The following ATP2C1 variants were observed in gnomAD, a reference collection of about 807,000 sequenced individuals.
ATP2C1 encodes ATPase secretory pathway Ca2+ transporting 1.
In ATP2C1, 31 loss-of-function variants were observed where a neutral mutation model predicts 120.5. The ratio of observed to expected loss-of-function variants is 0.26; its 90% CI spans 0.19 to 0.35. The LOEUF is 0.35. ATP2C1 is among the 10% of genes least tolerant of loss of function. The pLI is 1.00. For synonymous variants in ATP2C1, 351 were observed against 358.7 expected (o/e 0.98, Z 0.24); for missense variants, 731 against 1,107.5 (o/e 0.66, Z 4.83).
chr3:131,015,122 C>T (rs1410522313), intron 26 of ATP2C1: 1 of 641,604 alleles, frequency 1.6e-6, no homozygotes, highest in East Asian at 2.8e-5. Flanking sequence ...TTTGTGTTAG[C>T]TCAGATATAA....
Position 131,001,601 on chromosome 3 carries a change from G to A in ATP2C1, c.*251G>A. On this transcript the variant is annotated 3_prime_UTR_variant, in exon 28 of 28. Transcript: ENST00000510168. ...TGAAACTTTATAAAGCATATGGTCAGTTATTTAATTAAAAAGGCAAAACCT... is the reference window on the plus strand; with the variant it reads ...TGAAACTTTATAAAGCATATGGTCAATTATTTAATTAAAAAGGCAAAACCT... 1 of 1,144,578 alleles carries A rather than the reference G, an allele frequency of 8.7e-7. No homozygotes were observed. Among genetic ancestry groups the A allele is most frequent in the Non-Finnish European group, 1.1e-6 (1 of 926,814 alleles). The allele number at this position is 1,144,578 out of a possible 1,614,324, so 70.9% of individuals were successfully genotyped here.
chr3:130,982,058 G>T (rs1293975668), intron 20 of ATP2C1, among the ~76,000 whole-genome samples: 1 of 151,824 alleles, frequency 6.6e-6, no homozygotes, highest in East Asian at 1.9e-4. Context: ...CTTCTTTTAT[G>T]GACTATGCTT....
intron 5 of ATP2C1, among the ~76,000 whole-genome samples, chr3:130,936,918 A>T (rs1018514450): frequency 6.6e-6 from 1 of 151,894 alleles, no homozygotes; most frequent in African/African-American, 2.4e-5. Flanking sequence ...TTCTTCATAC[A>T]CTTTAGCCTG....
At position 130,979,179 on chromosome 3, in the gene ATP2C1, A is replaced by G. The variant is rs1002033960; in HGVS notation, c.1571-70A>G. ...AGAAGTGTTACTGTCTCCAATTTCTATCAACTAAATTCTGATGTTTTCATG... is the reference window on the plus strand; with the variant it reads ...AGAAGTGTTACTGTCTCCAATTTCTGTCAACTAAATTCTGATGTTTTCATG... On this transcript the variant is annotated intron_variant, in intron 18 of 27. Transcript: ENST00000510168. 98 of 1,470,934 alleles carry G rather than the reference A, an allele frequency of 6.7e-5. 1 individual carries two copies. The Admixed American group carries it at 7.5e-4, about 11-fold the overall frequency. The allele number at this position is 1,470,934 out of a possible 1,614,324, so 91.1% of individuals were successfully genotyped here.
intron 2 of ATP2C1, among the ~76,000 whole-genome samples, chr3:130,926,263 C>T (rs929363792): frequency 2.0e-4 from 31 of 152,166 alleles, no homozygotes; most frequent in African/African-American, 7.0e-4. Context: ...AGTCCTGCCT[C>T]CTATCCACCA....
chr3:130,974,084 A>G (rs1305290318), intron 17 of ATP2C1, among the ~76,000 whole-genome samples: 1 of 152,198 alleles, frequency 6.6e-6, no homozygotes, highest in African/African-American at 2.4e-5. Flanking sequence ...TAGAGGTAAT[A>G]GCTTATCTGC....
chr3:130,991,756 C>T (rs2062361439), intron 20 of ATP2C1, among the ~76,000 whole-genome samples: 1 of 152,064 alleles, frequency 6.6e-6, no homozygotes, highest in Non-Finnish European at 1.5e-5. Context: ...GAATCTTTGA[C>T]CTGCAGTAGA....
chr3:130,998,636 G>A (rs1047431213), intron 26 of ATP2C1, among the ~76,000 whole-genome samples: 1 of 152,158 alleles, frequency 6.6e-6, no homozygotes, highest in Non-Finnish European at 1.5e-5. Context: ...GTTGTCATCT[G>A]CGTTTAGCTG....
chr3:130,918,605 C>T, intron 2 of ATP2C1: 1 of 696,676 alleles, frequency 1.4e-6, no homozygotes, highest in Admixed American at 1.9e-5. Flanking sequence ...TTGGCCCATA[C>T]TTCTTTCCAT....
downstream of ATP2C1, chr3:131,016,709 G>A (rs1056671351): frequency 2.2e-5 from 7 of 313,298 alleles, no homozygotes; most frequent in East Asian, 8.3e-5. Context: ...CTCTTTCACC[G>A]AAACTCCCAA....
Position 130,967,189 on chromosome 3 carries a change from T to G in ATP2C1, c.1167T>G (p.Asp389Glu). Residue 389 changes from aspartate (D) to glutamate (E), a missense_variant, in exon 15 of 28, where the codon GAT becomes GAG. Around this residue, in one of 3 missense-constraint regions of ATP2C1, gnomAD observed 571 missense variants for 845.9 expected, o/e 0.67. Coordinates refer to ENST00000510168, the MANE Select transcript of ATP2C1 (RefSeq NM_001378687.1). ...ATCAATTTGGGGAAGTGATTGTTGA[T>G]GGTGATGTTGTTCATGGATTCTATA... is the stretch of plus-strand genomic sequence containing the variant. ...GYNQFGEVIV[D>E]GDVVHGFYNP... is the part of the protein sequence containing the mutation. 6.2e-7 allele frequency: 1 copy of G among 1,613,930 alleles called. No homozygotes were observed. Among genetic ancestry groups the G allele is most frequent in the Non-Finnish European group, 8.5e-7 (1 of 1,179,856 alleles).
At chr3:130,886,469 T>G (rs984570405) in intron 1 of ATP2C1, among the ~76,000 whole-genome samples, 1 of 152,230 alleles carries the variant, frequency 6.6e-6, no homozygotes, top group African/African-American at 2.4e-5. Context: ...GCCAATAATT[T>G]AAGAGTTATT....
chr3:130,856,454 G>C (rs1417264786), intron 1 of ATP2C1, among the ~76,000 whole-genome samples: 1 of 152,182 alleles, frequency 6.6e-6, no homozygotes, highest in East Asian at 1.9e-4. Flanking sequence ...TAAAATGATA[G>C]ACGTTTCACT....
intron 2 of ATP2C1, among the ~76,000 whole-genome samples, chr3:130,921,117 A>G (rs1191737566): frequency 1.4e-5 from 2 of 140,514 alleles, no homozygotes; most frequent in Non-Finnish European, 3.0e-5. Flanking sequence ...AGTCTCGCAC[A>G]GTTTCCCAGG....
chr3:130,968,822 A>G (rs1165975746), intron 16 of ATP2C1, among the ~76,000 whole-genome samples: 2 of 152,156 alleles, frequency 1.3e-5, no homozygotes, highest in Non-Finnish European at 2.9e-5. Flanking sequence ...AGGAGGGAAA[A>G]CAACAACATG....
At chr3:131,008,259 G>A (rs1201628562) in intron 26 of ATP2C1, among the ~76,000 whole-genome samples, 1 of 151,828 alleles carries the variant, frequency 6.6e-6, no homozygotes, top group Non-Finnish European at 1.5e-5. Flanking sequence ...CCAACATGGC[G>A]AAACTAAAAA....
chr3:130,910,399 A>G (rs1335401290), intron 2 of ATP2C1, among the ~76,000 whole-genome samples: 2 of 142,678 alleles, frequency 1.4e-5, no homozygotes, highest in African/African-American at 5.3e-5. Flanking sequence ...GCAAACAGGG[A>G]CAATTTGACT....
chr3:130,927,506 G>A (rs2059268938), intron 2 of ATP2C1, among the ~76,000 whole-genome samples: 1 of 152,154 alleles, frequency 6.6e-6, no homozygotes, highest in African/African-American at 2.4e-5. Flanking sequence ...CTCCCAAAGT[G>A]CTGGGATTAC....
chr3:130,942,785 C>G (rs2059978734), intron 8 of ATP2C1, among the ~76,000 whole-genome samples: 1 of 152,130 alleles, frequency 6.6e-6, no homozygotes, highest in African/African-American at 2.4e-5. Flanking sequence ...CTTTTCTACT[C>G]TTCTTTCCTT....
Sources: gnomAD v4.1 joint callset for allele counts (sites outside exome capture counted in the v4.1 genomes callset) on GRCh38, gnomAD v4.1.1 for gene constraint, gnomAD v4.1.1 regional missense constraint, MANE v1.5 for transcripts, NCBI Gene and HGNC (gene_info 2026-07-23, HGNC 2026-07-21) for gene names.